Variants in GRM8 observed in about 807,000 individuals in gnomAD.
GRM8 encodes metabotropic glutamate receptor 8.
GRM8 carries 47 observed loss-of-function variants against 87.2 expected under a neutral mutation model. The ratio of observed to expected loss-of-function variants is 0.54; its 90% CI spans 0.43 to 0.69. The LOEUF (loss-of-function observed/expected upper bound fraction) is 0.69, where lower values mean the gene tolerates loss of function less well. Ranked by LOEUF, GRM8 falls within the 30% of genes least tolerant of loss-of-function variation. GRM8 has a pLI of 0.00. For missense variants in GRM8, 1,019 were observed against 1,139.2 expected, an observed-to-expected ratio of 0.89 and a Z score of 1.52; for synonymous variants, 396 against 404.5, an observed-to-expected ratio of 0.98 and a Z score of 0.25.
chr7:126,990,334 TAA>T (rs377180747), intron 3 of GRM8, among the ~76,000 whole-genome samples: 9 of 142,902 alleles, frequency 6.3e-5, no homozygotes, highest in African/African-American at 7.6e-5. Context: ...CTTTCATGAT[TAA>T]AAAAAAAAAA....
At chr7:127,193,492 G>A (rs774944592) in intron 2 of GRM8, among the ~76,000 whole-genome samples, 4 of 152,076 alleles carry the variant, frequency 2.6e-5, no homozygotes, top group Admixed American at 6.6e-5. Flanking sequence ...GGTCAACTCC[G>A]CAGGACAAAG....
intron 8 of GRM8, among the ~76,000 whole-genome samples, chr7:126,586,640 C>G (rs971251018): frequency 6.6e-6 from 1 of 152,138 alleles, no homozygotes; most frequent in South Asian, 2.1e-4. Flanking sequence ...GTAGAAAGCT[C>G]AAACTGGATC....
At chr7:126,824,915 C>A (rs936949075) in intron 6 of GRM8, among the ~76,000 whole-genome samples, 1 of 152,170 alleles carries the variant, frequency 6.6e-6, no homozygotes, top group Admixed American at 6.5e-5. Flanking sequence ...GACCATTGGT[C>A]ATGAAAACCT....
chr7:126,988,575 T>C (rs1812340143), intron 3 of GRM8, among the ~76,000 whole-genome samples: 1 of 152,196 alleles, frequency 6.6e-6, no homozygotes, highest in Non-Finnish European at 1.5e-5. Context: ...TATTGGGTGT[T>C]CTTGTACAAA....
chr7:126,912,786 T>G (rs1803454241), intron 3 of GRM8, among the ~76,000 whole-genome samples: 1 of 152,220 alleles, frequency 6.6e-6, no homozygotes, highest in South Asian at 2.1e-4. Context: ...TATACAAAAA[T>G]GAAGATATCA....
rs143835140 is a variant in GRM8, at chr7:126,517,539, C to T, written c.2430+15413G>A. Among the ~76,000 whole-genome samples the T allele has an allele frequency of 6.6e-4, 101 of 152,166 alleles. 1 individual carries two copies. Among genetic ancestry groups the T allele is most frequent in the African/African-American group, 2.3e-3 (96 of 41,548 alleles). On this transcript the variant is annotated intron_variant, in intron 9 of 10. Transcript: ENST00000339582. ...TATAAACACTATACCATGCTGCCTCCATGCAATTAAACTGAATGTGATTTA... is the reference window on the plus strand; with the variant it reads ...TATAAACACTATACCATGCTGCCTCTATGCAATTAAACTGAATGTGATTTA...
chr7:127,182,526 G>A lies in GRM8; in HGVS notation c.510+60169C>T, dbSNP rs139930516. ...GCCAGAAGAAAGGAAGCCATTATTC[G>A]AAAAAGATACTTGCACATGCATGTT... On this transcript the variant is annotated intron_variant, in intron 2 of 10. Coordinates refer to ENST00000339582, the MANE Select transcript of GRM8 (RefSeq NM_000845.3). 5.5e-4 allele frequency among the ~76,000 whole-genome samples: 83 copies of A among 151,868 alleles called. 2 individuals are homozygous for A. The East Asian group carries it at 0.013, about 24-fold the overall frequency.
chr7:127,218,882 T>C (rs901096017), intron 2 of GRM8, among the ~76,000 whole-genome samples: 1 of 152,248 alleles, frequency 6.6e-6, no homozygotes, highest in South Asian at 2.1e-4. Flanking sequence ...TTTTCTTTCA[T>C]GCCTCCTAAT....
At chr7:126,610,876 G>T (rs1798853622) in intron 7 of GRM8, among the ~76,000 whole-genome samples, 1 of 152,196 alleles carries the variant, frequency 6.6e-6, no homozygotes, top group African/African-American at 2.4e-5. Flanking sequence ...ATCAGGAACT[G>T]CTGAGGCTGC....
chr7:126,608,016 C>G (rs536000286), intron 8 of GRM8, among the ~76,000 whole-genome samples: 4 of 151,964 alleles, frequency 2.6e-5, no homozygotes, highest in African/African-American at 7.3e-5. Flanking sequence ...GACTACAGAA[C>G]GTGCTCCATA....
At chr7:126,929,683 C>A (rs1271115039) in intron 3 of GRM8, among the ~76,000 whole-genome samples, 1 of 152,100 alleles carries the variant, frequency 6.6e-6, no homozygotes, top group Admixed American at 6.5e-5. Context: ...ATCCACCCCC[C>A]TCAGCCTCCC....
At chr7:127,080,238 G>A (rs1265156797) in intron 3 of GRM8, among the ~76,000 whole-genome samples, 1 of 152,162 alleles carries the variant, frequency 6.6e-6, no homozygotes, top group African/African-American at 2.4e-5. Flanking sequence ...GAAGATAGAA[G>A]GGGACCATAG....
intron 2 of GRM8, among the ~76,000 whole-genome samples, chr7:127,109,369 T>C (rs1156778793): frequency 6.6e-6 from 1 of 152,128 alleles, no homozygotes; most frequent in Non-Finnish European, 1.5e-5. Context: ...TTAACTCCCA[T>C]GGCCAATGTA....
chr7:126,653,293 C>A (rs1804127720), intron 7 of GRM8, among the ~76,000 whole-genome samples: 1 of 104,744 alleles, frequency 9.5e-6, no homozygotes, highest in South Asian at 3.8e-4. Flanking sequence ...GAGTGAGATC[C>A]TGTCTCCAAA....
At chr7:126,925,592 T>C (rs541673753) in intron 3 of GRM8, among the ~76,000 whole-genome samples, 1 of 152,356 alleles carries the variant, frequency 6.6e-6, no homozygotes, top group South Asian at 2.1e-4. Flanking sequence ...AAAATTATTA[T>C]TTCTTTCAGT....
chr7:126,775,634 C>T (rs182713466), intron 6 of GRM8, among the ~76,000 whole-genome samples: 84 of 151,674 alleles, frequency 5.5e-4, no homozygotes, highest in African/African-American at 2.0e-3. Flanking sequence ...GTGTGCACCT[C>T]CCATACTGAA....
intron 6 of GRM8, among the ~76,000 whole-genome samples, chr7:126,796,516 G>T (rs530797087): frequency 6.6e-6 from 1 of 152,132 alleles, no homozygotes; most frequent in East Asian, 1.9e-4. Flanking sequence ...CATTTGTCAT[G>T]GCTCCTGGCA....
chr7:127,151,540 A>G (rs1224152844), intron 2 of GRM8, among the ~76,000 whole-genome samples: 1 of 152,144 alleles, frequency 6.6e-6, no homozygotes, highest in Non-Finnish European at 1.5e-5. Flanking sequence ...AACGTTTTCT[A>G]CAGTTCACAT....
chr7:126,850,753 T>C (rs1192430945), intron 6 of GRM8, among the ~76,000 whole-genome samples: 2 of 152,178 alleles, frequency 1.3e-5, no homozygotes, highest in African/African-American at 4.8e-5. Flanking sequence ...TTAAAAAATA[T>C]TCATGTTTTG....
Sources: gnomAD v4.1 joint callset for allele counts (sites outside exome capture counted in the v4.1 genomes callset) on GRCh38, gnomAD v4.1.1 for gene constraint, MANE v1.5 for transcripts, NCBI Gene and HGNC (gene_info 2026-07-23, HGNC 2026-07-21) for gene names.